Variants in VKORC1L1 observed in about 807,000 individuals in gnomAD.
VKORC1L1 encodes the protein vitamin K epoxide reductase complex subunit 1-like protein 1.
VKORC1L1 carries 2 observed loss-of-function variants against 18.9 expected under a neutral mutation model. The observed-to-expected ratio is 0.11, with a 90% CI of 0.04 to 0.33. The LOEUF (loss-of-function observed/expected upper bound fraction) is 0.33. Ranked by LOEUF, VKORC1L1 falls within the 10% of genes least tolerant of loss-of-function variation. The probability of loss-of-function intolerance (pLI) is 1.00; values close to 1 mark genes in which losing one functional copy is unlikely to be tolerated. For missense variants in VKORC1L1, 123 were observed against 224.1 expected, an observed-to-expected ratio of 0.55 and a Z score of 2.88; for synonymous variants, 96 against 100.0, an observed-to-expected ratio of 0.96 and a Z score of 0.24.
Position 65,958,396 on chromosome 7 carries a change from T to A in VKORC1L1, c.*4096T>A, listed in dbSNP as rs768777892. Reference sequence around the variant, plus strand: ...TAAAATGGAGTTCACTGGGCAGGTTTCCCCTTTAATCTAGATAGAAATACT... The same window carrying A: ...TAAAATGGAGTTCACTGGGCAGGTTACCCCTTTAATCTAGATAGAAATACT... On this transcript the variant is annotated 3_prime_UTR_variant, in exon 3 of 3. Transcript: ENST00000360768. The A allele has an allele frequency of 2.0e-5, 3 of 152,226 alleles. No homozygotes were observed. Among genetic ancestry groups the A allele is most frequent in the Non-Finnish European group, 2.9e-5 (2 of 68,038 alleles). The allele number at this position is 152,226 out of a possible 1,614,324, so 9.4% of individuals were successfully genotyped here.
intron 1 of VKORC1L1, among the ~76,000 whole-genome samples, chr7:65,899,482 G>T (rs1401281147): frequency 1.3e-5 from 2 of 152,168 alleles, no homozygotes; most frequent in Non-Finnish European, 2.9e-5. Context: ...TTTTCTCATG[G>T]ATTGAAATTC....
intron 1 of VKORC1L1, among the ~76,000 whole-genome samples, chr7:65,883,315 G>T (rs560085938): frequency 3.9e-4 from 59 of 151,072 alleles, no homozygotes; most frequent in South Asian, 3.4e-3. Flanking sequence ...CTGATTTTTT[G>T]TGTGTGTATA....
At chr7:65,898,697 T>C (rs1348159138) in intron 1 of VKORC1L1, among the ~76,000 whole-genome samples, 1 of 152,204 alleles carries the variant, frequency 6.6e-6, no homozygotes, top group East Asian at 1.9e-4. Context: ...TTAATTGTGA[T>C]AAAATACATG....
chr7:65,946,502 C>G (rs1441488579), intron 1 of VKORC1L1, among the ~76,000 whole-genome samples: 1 of 152,072 alleles, frequency 6.6e-6, no homozygotes, highest in Non-Finnish European at 1.5e-5. Context: ...TAGGCCCCAC[C>G]ACAGACCCAC....
At chr7:65,941,179 A>G (rs1409931316) in intron 1 of VKORC1L1, among the ~76,000 whole-genome samples, 1 of 152,198 alleles carries the variant, frequency 6.6e-6, no homozygotes, top group African/African-American at 2.4e-5. Flanking sequence ...TGGCACAATC[A>G]TAGCTCATTG....
At chr7:65,906,489 CT>C (rs1789408790) in intron 1 of VKORC1L1, among the ~76,000 whole-genome samples, 1 of 152,068 alleles carries the variant, frequency 6.6e-6, no homozygotes, top group Admixed American at 6.6e-5. Context: ...ACTTACTGGC[CT>C]ATTTTGTAAG....
chr7:65,875,081 G>T (rs1467996054), intron 1 of VKORC1L1, among the ~76,000 whole-genome samples: 3 of 152,140 alleles, frequency 2.0e-5, no homozygotes, highest in African/African-American at 7.2e-5. Flanking sequence ...GTTTAACTTA[G>T]ATGCTTGCCA....
chr7:65,882,019 G>T (rs1788936563), intron 1 of VKORC1L1, among the ~76,000 whole-genome samples: 1 of 152,004 alleles, frequency 6.6e-6, no homozygotes, highest in African/African-American at 2.4e-5. Context: ...GGCAGAGGTT[G>T]CAGTGAGCTG....
intron 1 of VKORC1L1, among the ~76,000 whole-genome samples, chr7:65,903,773 CAAAAAA>C (rs59067443): frequency 8.8e-6 from 1 of 113,244 alleles, no homozygotes; most frequent in Admixed American, 9.2e-5. Context: ...GACCGTGTCT[CAAAAAA>C]AAAAAAAAAA....
In VKORC1L1 at chr7:65,885,282, G is replaced by A. The variant is rs1484247289; in HGVS notation, c.194+11717G>A. Among the ~76,000 whole-genome samples the A allele has an allele frequency of 2.6e-5, 4 of 151,982 alleles. No individual in the cohort carries two copies. The South Asian group carries it at 6.2e-4, about 24-fold the overall frequency. The stretch of plus-strand genomic sequence containing the variant: ...CTTATTGCTTTATAGGAGTTCTTTA[G>A]ATGTCACAATGGTTAATCTTTTGTT... On this transcript the variant is annotated intron_variant, in intron 1 of 2. Transcript: ENST00000360768.
intron 1 of VKORC1L1, among the ~76,000 whole-genome samples, chr7:65,922,234 T>A (rs1374669835): frequency 6.6e-6 from 1 of 152,010 alleles, no homozygotes; most frequent in Non-Finnish European, 1.5e-5. Flanking sequence ...AATCGTTATT[T>A]CCCCCTCTAT....
chr7:65,877,424 T>G (rs1241483887), intron 1 of VKORC1L1, among the ~76,000 whole-genome samples: 1 of 152,010 alleles, frequency 6.6e-6, no homozygotes, highest in Admixed American at 6.6e-5. Context: ...CTCAGCTCAC[T>G]GCAACCTCCA....
chr7:65,877,119 G>A (rs1221703098), intron 1 of VKORC1L1, among the ~76,000 whole-genome samples: 1 of 152,168 alleles, frequency 6.6e-6, no homozygotes, highest in Non-Finnish European at 1.5e-5. Flanking sequence ...GTATGTTCCT[G>A]AAATAAAGCC....
intron 1 of VKORC1L1, among the ~76,000 whole-genome samples, chr7:65,896,026 G>A (rs1306817145): frequency 6.7e-6 from 1 of 149,338 alleles, no homozygotes; most frequent in African/African-American, 2.5e-5. Context: ...TTCCCAAGTA[G>A]CTGGGATTAC....
At chr7:65,895,966 G>A (rs188704941) in intron 1 of VKORC1L1, among the ~76,000 whole-genome samples, 1 of 147,712 alleles carries the variant, frequency 6.8e-6, no homozygotes, top group African/African-American at 2.5e-5. Flanking sequence ...CGTGATCTCG[G>A]CTCACTGCAA....
At chr7:65,872,905 G>C (rs1443382524), upstream of VKORC1L1, among the ~76,000 whole-genome samples, 2 of 151,876 alleles carry the variant, frequency 1.3e-5, no homozygotes, top group African/African-American at 2.4e-5. Context: ...GTGCTAGTTA[G>C]ACCGCTCCTT....
upstream of VKORC1L1, among the ~76,000 whole-genome samples, chr7:65,872,329 T>C (rs1788736507): frequency 6.6e-6 from 1 of 152,098 alleles, no homozygotes; most frequent in Non-Finnish European, 1.5e-5. Context: ...CTCTCTTTTT[T>C]TTTTTGAGAC....
chr7:65,882,415 C>CA lies in VKORC1L1; in HGVS notation c.194+8865dup, dbSNP rs34950335. On this transcript the variant is annotated intron_variant, in intron 1 of 2. Coordinates refer to ENST00000360768, the MANE Select transcript of VKORC1L1 (RefSeq NM_173517.6). The stretch of plus-strand genomic sequence containing the variant: ...TAAAATAAAATAAAAAGTAAAAAAG[C>CA]AAAAAAAAAAAAAAAGTGCATTTAG... Among the ~76,000 whole-genome samples, 1,039 of 123,976 alleles carry CA rather than the reference C, an allele frequency of 8.4e-3. 15 individuals are homozygous for CA. Among genetic ancestry groups the CA allele is most frequent in the African/African-American group, 0.027 (847 of 31,488 alleles). 81.3% of individuals were successfully genotyped at this position (123,976 alleles called of 152,430 possible). A position where few individuals can be genotyped will look rare whatever the true frequency, so the allele number is the denominator to read the frequency against.
chr7:65,891,822 G>C (rs536260558), intron 1 of VKORC1L1, among the ~76,000 whole-genome samples: 1 of 152,232 alleles, frequency 6.6e-6, no homozygotes, highest in East Asian at 1.9e-4. Flanking sequence ...TCCAATTCTA[G>C]TCTTTTAGTC....
Sources: gnomAD v4.1 joint callset for allele counts (sites outside exome capture counted in the v4.1 genomes callset) on GRCh38, gnomAD v4.1.1 for gene constraint, MANE v1.5 for transcripts, NCBI Gene and HGNC (gene_info 2026-07-23, HGNC 2026-07-21) for gene names.